CLASP1: variants seen among roughly 807,000 people sequenced by gnomAD.
The protein encoded by CLASP1 is cytoplasmic linker associated protein 1, also known as CLIP-associating protein 1.
Under a neutral mutation model 192.3 loss-of-function variants are expected in CLASP1, and 38 were observed. The observed-to-expected ratio is 0.20, with a 90% CI of 0.15 to 0.26. The LOEUF (loss-of-function observed/expected upper bound fraction) is 0.26. Among genes scored for constraint, CLASP1 ranks in the 10% least tolerant of loss-of-function variants. CLASP1 has a pLI of 1.00. For missense variants in CLASP1, 1,433 were observed against 1,932.5 expected, an observed-to-expected ratio of 0.74 and a Z score of 4.85; for synonymous variants, 691 against 712.8, an observed-to-expected ratio of 0.97 and a Z score of 0.49.
Position 121,420,008 on chromosome 2 carries a change from TA to T in CLASP1, c.2213-1280del, listed in dbSNP as rs1401520560. 3.9e-5 allele frequency among the ~76,000 whole-genome samples: 6 copies of T among 152,002 alleles called. No individual in the cohort carries two copies. In the East Asian group the frequency reaches 1.2e-3, roughly 29 times the overall value. On this transcript the variant is annotated intron_variant, in intron 22 of 39. Transcript: ENST00000263710. Reference sequence around the variant, plus strand: ...AACCAGAACCATAACACTCCCTGATTAAAAAAAGAATACGAAAGGGAAAACT... The same window carrying T: ...AACCAGAACCATAACACTCCCTGATTAAAAAAGAATACGAAAGGGAAAACT...
At chr2:121,634,363 T>C (rs1338991224) in intron 1 of CLASP1, among the ~76,000 whole-genome samples, 1 of 152,206 alleles carries the variant, frequency 6.6e-6, no homozygotes, top group Non-Finnish European at 1.5e-5. Flanking sequence ...TATTTTAATG[T>C]CAGCAGTTTC....
intron 36 of CLASP1, 75 bp downstream of exon 37, chr2:121,365,019 T>G (rs756253839): frequency 1.1e-5 from 15 of 1,349,486 alleles, no homozygotes; most frequent in Non-Finnish European, 1.6e-5. Context: ...AAGCTGAAGC[T>G]AAGCCCAATA....
intron 21 of CLASP1, 91 bp downstream of exon 21, chr2:121,427,313 G>A: frequency 1.4e-6 from 2 of 1,416,528 alleles, no homozygotes; most frequent in Non-Finnish European, 9.7e-7. Context: ...TTACAATAAA[G>A]AGAGAAATTA....
chr2:121,434,742 C>G (rs748951459), intron 19 of CLASP1, among the ~76,000 whole-genome samples: 1 of 152,084 alleles, frequency 6.6e-6, no homozygotes, highest in Non-Finnish European at 1.5e-5. Flanking sequence ...GTAAGCCCAG[C>G]ACTTTGGGAG....
At chr2:121,404,400 T>G in exon 26 of CLASP1, 1 of 1,612,358 alleles carries the variant, frequency 6.2e-7, no homozygotes, top group Non-Finnish European at 8.5e-7. Context: ...AACATCCGAG[T>G]GAAGATCTCA....
chr2:121,467,040 C>G (rs1326377801), intron 9 of CLASP1, among the ~76,000 whole-genome samples: 1 of 152,228 alleles, frequency 6.6e-6, no homozygotes, highest in Non-Finnish European at 1.5e-5. Flanking sequence ...TCTCATCATT[C>G]AGCTCCCACT....
At chr2:121,370,393 T>C (rs923052360) in intron 34 of CLASP1, among the ~76,000 whole-genome samples, 3 of 152,276 alleles carry the variant, frequency 2.0e-5, no homozygotes, top group African/African-American at 4.8e-5. Flanking sequence ...TGGTGCAATC[T>C]CGGCTCACTG....
intron 34 of CLASP1, among the ~76,000 whole-genome samples, chr2:121,371,632 C>G (rs939844716): frequency 6.6e-6 from 1 of 152,134 alleles, no homozygotes; most frequent in Admixed American, 6.5e-5. Context: ...ACAAGTCCCC[C>G]GCTTCAAAGC....
At chr2:121,545,039 G>A (rs1281959863) in intron 2 of CLASP1, among the ~76,000 whole-genome samples, 1 of 151,934 alleles carries the variant, frequency 6.6e-6, no homozygotes, top group Non-Finnish European at 1.5e-5. Context: ...AGCCTCCCGA[G>A]TAGCTGGGAT....
intron 2 of CLASP1, among the ~76,000 whole-genome samples, chr2:121,578,567 A>G (rs1029337618): frequency 5.3e-5 from 8 of 151,636 alleles, no homozygotes; most frequent in Non-Finnish European, 1.2e-4. Context: ...ATCTCTACTA[A>G]AAATACAAAA....
In CLASP1 at chr2:121,559,482, G is replaced by A. The variant is rs536592463; in HGVS notation, c.196-29157C>T. Among the ~76,000 whole-genome samples, 738 of 152,232 alleles carry A rather than the reference G, an allele frequency of 4.8e-3. 7 individuals carry two copies. Among genetic ancestry groups the A allele is most frequent in the Middle Eastern group, 0.01 (3 of 294 alleles). On this transcript the variant is annotated intron_variant, in intron 2 of 39. Transcript: ENST00000263710. ...CAAAATGTGGTATACCTACATAATG[G>A]AATATTATTTGGCAATAAAAAGAAA...
chr2:121,530,491 T>C, intron 2 of CLASP1, 166 bp from the exon 3 acceptor site: 1 of 599,552 alleles, frequency 1.7e-6, no homozygotes, highest in Non-Finnish European at 3.0e-6. Flanking sequence ...AGGATGATCT[T>C]CCACAAAAAG....
At chr2:121,512,100 A>C (rs2094154324) in intron 7 of CLASP1, among the ~76,000 whole-genome samples, 1 of 152,258 alleles carries the variant, frequency 6.6e-6, no homozygotes, top group African/African-American at 2.4e-5. Context: ...GTTACCAAAT[A>C]GTTATAATGA....
intron 2 of CLASP1, among the ~76,000 whole-genome samples, chr2:121,593,256 G>A (rs1318200288): frequency 6.6e-6 from 1 of 152,146 alleles, no homozygotes; most frequent in African/African-American, 2.4e-5. Flanking sequence ...ACACAGTAAG[G>A]TGACCTAATT....
At chr2:121,458,508 G>A (rs1303755248) in intron 13 of CLASP1, among the ~76,000 whole-genome samples, 1 of 152,108 alleles carries the variant, frequency 6.6e-6, no homozygotes, top group Non-Finnish European at 1.5e-5. Context: ...GGACTAAGGA[G>A]GTAAGACTAA....
intron 6 of CLASP1, among the ~76,000 whole-genome samples, chr2:121,524,560 G>A (rs1469924679): frequency 2.0e-5 from 3 of 151,640 alleles, no homozygotes; most frequent in East Asian, 1.9e-4. Context: ...AGGTTCATGC[G>A]ATTCTTGTGC....
chr2:121,474,524 C>G (rs2091330565), intron 8 of CLASP1, among the ~76,000 whole-genome samples: 2 of 152,148 alleles, frequency 1.3e-5, no homozygotes, highest in Non-Finnish European at 2.9e-5. Flanking sequence ...ATCACGAGGT[C>G]AGGAGATAGA....
chr2:121,579,145 A>T (rs2060864789), intron 2 of CLASP1, among the ~76,000 whole-genome samples: 1 of 152,140 alleles, frequency 6.6e-6, no homozygotes, highest in Non-Finnish European at 1.5e-5. Context: ...ATTTATTCAT[A>T]TGGTTTTTTT....
At chr2:121,447,378 C>T in exon 19 of CLASP1, 1 of 1,587,466 alleles carries the variant, frequency 6.3e-7, no homozygotes, top group Non-Finnish European at 8.6e-7. Flanking sequence ...TGCTGCAGAG[C>T]TGAAAGGCGT....
Sources: allele counts gnomAD v4.1 joint callset (sites outside exome capture counted in the v4.1 genomes callset), GRCh38; gene constraint gnomAD v4.1.1; transcripts MANE v1.5; gene names NCBI Gene and HGNC (gene_info 2026-07-23, HGNC 2026-07-21).